Variants in ERICH2 observed in about 807,000 individuals in gnomAD.
The protein encoded by ERICH2 is glutamate-rich protein 2.
Under a neutral mutation model 17.4 loss-of-function variants are expected in ERICH2, and 17 were observed. The ratio of observed to expected loss-of-function variants is 0.98; its 90% confidence interval spans 0.67 to 1.47. The LOEUF (loss-of-function observed/expected upper bound fraction) is 1.47, where lower values mean the gene tolerates loss of function less well. Ranked by LOEUF, ERICH2 falls within the 40% of genes most tolerant of loss-of-function variation. The pLI is 0.00. For synonymous variants in ERICH2, 51 were observed against 61.1 expected (o/e 0.83, Z 0.77); for missense variants, 186 against 183.2 (o/e 1.01, Z -0.09).
the ERICH2 span, chr2:170,775,558 T>G: frequency 2.0e-5 from 3 of 152,160 alleles, no homozygotes; most frequent in Non-Finnish European, 4.4e-5. Context: ...TTAGATTTCT[T>G]TTGTTAAGGC....
intron 3 of ERICH2, among the ~76,000 whole-genome samples, chr2:170,796,428 G>GTTTTTTTTTTTT (rs869301301): frequency 1.7e-5 from 2 of 114,548 alleles, no homozygotes; most frequent in Admixed American, 1.0e-4. Context: ...CTCTCTCTTT[G>GTTTTTTTTTTTT]TTTTTTTTTT....
At chr2:170,787,538 T>A (rs62168408) in intron 2 of ERICH2, among the ~76,000 whole-genome samples, 8,839 of 152,300 alleles carry the variant, frequency 0.058, 357 homozygotes, top group South Asian at 0.13. Context: ...TGATAGCCAG[T>A]GATTATTCCA....
At chr2:170,775,024 G>A in the ERICH2 span, among the ~76,000 whole-genome samples, 4 of 152,088 alleles carry the variant, frequency 2.6e-5, no homozygotes, top group South Asian at 6.2e-4. Context: ...TCCATCCTAC[G>A]TTTTCACCAG....
At chr2:170,797,998 G>A in intron 3 of ERICH2, 43 bp from the exon 9 acceptor site, 1 of 1,371,474 alleles carries the variant, frequency 7.3e-7, no homozygotes, top group Non-Finnish European at 1.0e-6. Context: ...CTGCAACACT[G>A]AACGTTAATA....
chr2:170,787,109 C>T (rs774392041), intron 2 of ERICH2, among the ~76,000 whole-genome samples: 5 of 151,918 alleles, frequency 3.3e-5, no homozygotes, highest in Non-Finnish European at 7.4e-5. Flanking sequence ...AGTGACTACT[C>T]ACAGGCATGA....
At chr2:170,776,933 C>T in the ERICH2 span, among the ~76,000 whole-genome samples, 16 of 152,066 alleles carry the variant, frequency 1.1e-4, no homozygotes, top group Admixed American at 6.6e-4. Context: ...ACCCCGTCCC[C>T]CAGAAGGCTT....
exon 5 of ERICH2, chr2:170,798,891 A>G: frequency 1.3e-6 from 2 of 1,550,550 alleles, no homozygotes; most frequent in Non-Finnish European, 1.7e-6. Context: ...AAGATGGATC[A>G]TGAGTGTTGC....
chr2:170,792,882 C>A (rs1208391558), exon 3 of ERICH2: 1 of 1,514,314 alleles, frequency 6.6e-7, no homozygotes, highest in East Asian at 2.5e-5. Flanking sequence ...GCAGAAATGG[C>A]CCGAGAGTAC....
the ERICH2 span, among the ~76,000 whole-genome samples, chr2:170,773,161 G>C: frequency 1.3e-5 from 2 of 152,162 alleles, no homozygotes; most frequent in Admixed American, 6.5e-5. Context: ...TGTTAATCCT[G>C]TAAAGGCAGT....
At chr2:170,781,728 A>G (rs114749358), upstream of ERICH2, among the ~76,000 whole-genome samples, 43 of 91,462 alleles carry the variant, frequency 4.7e-4, no homozygotes, top group East Asian at 1.5e-3. Context: ...CCTTGTTTCA[A>G]TGTGTTATTT....
the ERICH2 span, among the ~76,000 whole-genome samples, chr2:170,775,474 AT>A: frequency 7.2e-5 from 11 of 152,146 alleles, no homozygotes; most frequent in Admixed American, 5.9e-4. Flanking sequence ...GATGCTGTAC[AT>A]CACATTTATA....
At chr2:170,795,126 T>A (rs2105721751) in intron 3 of ERICH2, among the ~76,000 whole-genome samples, 1 of 151,708 alleles carries the variant, frequency 6.6e-6, no homozygotes, top group Non-Finnish European at 1.5e-5. Flanking sequence ...ACTACAGGTG[T>A]GTACCACCAC....
chr2:170,774,810 C>T, the ERICH2 span, among the ~76,000 whole-genome samples: 4 of 151,054 alleles, frequency 2.6e-5, no homozygotes, highest in South Asian at 4.2e-4. Flanking sequence ...CTCCTGACCT[C>T]GGGATCCACC....
At chr2:170,785,477 A>G (rs778660830) in intron 2 of ERICH2, among the ~76,000 whole-genome samples, 1 of 152,124 alleles carries the variant, frequency 6.6e-6, no homozygotes, top group African/African-American at 2.4e-5. Context: ...TACACTGGGC[A>G]CCATGCTAGT....
intron 2 of ERICH2, among the ~76,000 whole-genome samples, chr2:170,785,755 A>G (rs1215901518): frequency 2.0e-5 from 3 of 152,140 alleles, no homozygotes; most frequent in African/African-American, 7.2e-5. Flanking sequence ...TTAAAACAAG[A>G]GAAGGCATTA....
At chr2:170,773,644 T>G in the ERICH2 span, among the ~76,000 whole-genome samples, 1 of 152,206 alleles carries the variant, frequency 6.6e-6, no homozygotes, top group Admixed American at 6.5e-5. Context: ...AAGTAGAGTA[T>G]CTTCATCTTT....
chr2:170,783,484 G>A (rs890005039), upstream of ERICH2, among the ~76,000 whole-genome samples: 2 of 152,112 alleles, frequency 1.3e-5, no homozygotes, highest in African/African-American at 4.8e-5. Flanking sequence ...GGGGAGCAGA[G>A]GATGCAGTGA....
chr2:170,777,600 C>A, the ERICH2 span: 1 of 1,163,570 alleles, frequency 8.6e-7, no homozygotes, highest in Non-Finnish European at 1.1e-6. Context: ...ATGTCAGGGA[C>A]ATCAGTGTTA....
intron 3 of ERICH2, 30 bp downstream of exon 8, chr2:170,792,950 A>G: frequency 1.5e-6 from 2 of 1,337,814 alleles, no homozygotes; most frequent in South Asian, 1.4e-5. Context: ...ATATTTTCTA[A>G]TCTTCTCTTT....
Sources: gnomAD v4.1 joint callset for allele counts (sites outside exome capture counted in the v4.1 genomes callset) on GRCh38, gnomAD v4.1.1 for gene constraint, MANE v1.5 for transcripts, NCBI Gene and HGNC (gene_info 2026-07-23, HGNC 2026-07-21) for gene names.